The following OPCML variants were observed in gnomAD, a reference collection of about 807,000 sequenced individuals.
OPCML encodes opioid-binding protein/cell adhesion molecule.
Under a neutral mutation model 37.8 loss-of-function variants are expected in OPCML, and 13 were observed. That is an observed-to-expected ratio of 0.34 (90% confidence interval 0.22 to 0.55). OPCML has a LOEUF of 0.55. Among genes scored for constraint, OPCML ranks in the 20% least tolerant of loss-of-function variants. The pLI, the probability that OPCML is intolerant of heterozygous loss-of-function variation, is 0.91. For synonymous variants in OPCML, 176 were observed against 168.8 expected (o/e 1.04, Z -0.33); for missense variants, 341 against 435.6 (o/e 0.78, Z 1.93).
At chr11:132,901,797 C>T (rs1000961700) in intron 2 of OPCML, among the ~76,000 whole-genome samples, 1 of 152,190 alleles carries the variant, frequency 6.6e-6, no homozygotes, top group African/African-American at 2.4e-5. Context: ...TGACAGTTTT[C>T]AGGCATGCCA....
At chr11:132,542,602 C>T (rs2096359468) in intron 3 of OPCML, among the ~76,000 whole-genome samples, 1 of 152,128 alleles carries the variant, frequency 6.6e-6, no homozygotes, top group Non-Finnish European at 1.5e-5. Flanking sequence ...TTGACAGACT[C>T]CTGCCCTGCT....
intron 7 of OPCML, among the ~76,000 whole-genome samples, chr11:132,422,022 T>A (rs927411672): frequency 2.0e-5 from 3 of 152,158 alleles, no homozygotes; most frequent in Non-Finnish European, 2.9e-5. Context: ...AAGGCCCATA[T>A]GTTTCTTTAA....
rs1394639213 is a variant in OPCML, at chr11:133,095,479, TGAAG to T, written c.62-152473_62-152470del. ...GCAAAATACCAATAATTAGCAGGCA[TGAAG>T]GAAGTAAATAAATGAGAAAATGAAA... On this transcript the variant is annotated intron_variant, in intron 1 of 7. Transcript: ENST00000524381. 2.0e-5 allele frequency among the ~76,000 whole-genome samples: 3 copies of T among 149,586 alleles called. No individual in the cohort carries two copies. The East Asian group carries it at 5.9e-4, about 29-fold the overall frequency.
chr11:132,424,025 A>G (rs1338246525), intron 7 of OPCML, among the ~76,000 whole-genome samples: 5 of 152,184 alleles, frequency 3.3e-5, no homozygotes, highest in African/African-American at 9.7e-5. Context: ...TTGAATTTCA[A>G]TATATAGGGT....
intron 4 of OPCML, among the ~76,000 whole-genome samples, chr11:132,516,753 C>G (rs932237889): frequency 5.3e-5 from 8 of 152,140 alleles, no homozygotes; most frequent in Non-Finnish European, 1.0e-4. Flanking sequence ...TCCTCAACAC[C>G]TTTCTCATGG....
At chr11:133,300,883 G>T (rs557887060) in intron 1 of OPCML, 8 of 152,166 alleles carry the variant, frequency 5.3e-5, no homozygotes, top group Admixed American at 5.2e-4. Context: ...GTGGGCAGCC[G>T]CCAGAAGCTG....
At chr11:132,959,730 T>A (rs1946052735) in intron 1 of OPCML, among the ~76,000 whole-genome samples, 1 of 152,176 alleles carries the variant, frequency 6.6e-6, no homozygotes, top group Admixed American at 6.5e-5. Context: ...AGGCTCAGAT[T>A]TAGAAGTGGC....
intron 1 of OPCML, among the ~76,000 whole-genome samples, chr11:133,242,226 T>C: frequency 6.6e-6 from 1 of 152,124 alleles, no homozygotes; most frequent in Non-Finnish European, 1.5e-5. Flanking sequence ...TAGAGAATGA[T>C]ACGATTACCA....
At chr11:132,904,039 A>G (rs77188017) in intron 2 of OPCML, among the ~76,000 whole-genome samples, 10,529 of 152,276 alleles carry the variant, frequency 0.069, 458 homozygotes, top group Middle Eastern at 0.14. Flanking sequence ...GACTGGATCA[A>G]TGATGCCTGG....
chr11:132,644,320 A>T (rs1201249522), intron 3 of OPCML, among the ~76,000 whole-genome samples: 1 of 152,138 alleles, frequency 6.6e-6, no homozygotes, highest in Non-Finnish European at 1.5e-5. Context: ...TCATCTGTCA[A>T]TCAGAGGGAA....
chr11:133,490,693 G>C, intron 1 of OPCML, among the ~76,000 whole-genome samples: 1 of 152,158 alleles, frequency 6.6e-6, no homozygotes, highest in East Asian at 1.9e-4. Flanking sequence ...AAGCTCCCAT[G>C]GCAGTCTCTC....
intron 1 of OPCML, among the ~76,000 whole-genome samples, chr11:133,228,423 T>C (rs771710942): frequency 1.3e-5 from 2 of 152,238 alleles, no homozygotes; most frequent in Non-Finnish European, 2.9e-5. Context: ...AGTTTTCTGC[T>C]TCTAATTCCA....
chr11:132,605,519 G>A (rs896525942), intron 3 of OPCML, among the ~76,000 whole-genome samples: 7 of 151,950 alleles, frequency 4.6e-5, no homozygotes, highest in Admixed American at 1.3e-4. Flanking sequence ...AGCCAAGATC[G>A]CACCACTGTA....
At chr11:132,750,472 G>A (rs1426573220) in intron 2 of OPCML, among the ~76,000 whole-genome samples, 5 of 152,124 alleles carry the variant, frequency 3.3e-5, no homozygotes, top group African/African-American at 9.7e-5. Context: ...ATAAAGGAAG[G>A]AAACATACTT....
intron 2 of OPCML, among the ~76,000 whole-genome samples, chr11:132,895,728 C>T (rs752426696): frequency 3.9e-5 from 6 of 152,138 alleles, no homozygotes; most frequent in Non-Finnish European, 7.3e-5. Flanking sequence ...GTTAACCCTG[C>T]ATTGTCTAAG....
chr11:132,888,828 C>T (rs1943526044), intron 2 of OPCML, among the ~76,000 whole-genome samples: 1 of 148,926 alleles, frequency 6.7e-6, no homozygotes, highest in Non-Finnish European at 1.5e-5. Context: ...CTCTTTCAGT[C>T]ACTTGATAAA....
intron 2 of OPCML, among the ~76,000 whole-genome samples, chr11:132,861,343 A>G (rs552883084): frequency 1.1e-3 from 169 of 152,356 alleles, no homozygotes; most frequent in Middle Eastern, 0.01. Context: ...TCTGAATTTC[A>G]GTTTCCTCGA....
intron 1 of OPCML, among the ~76,000 whole-genome samples, chr11:133,252,717 G>C (rs1941175291): frequency 1.3e-5 from 2 of 152,142 alleles, no homozygotes; most frequent in Admixed American, 1.3e-4. Flanking sequence ...AGCCACTCGG[G>C]CTTTTTTTTC....
At chr11:133,203,289 G>A (rs888202083) in intron 1 of OPCML, among the ~76,000 whole-genome samples, 13 of 152,206 alleles carry the variant, frequency 8.5e-5, no homozygotes, top group Admixed American at 3.9e-4. Flanking sequence ...AGCCCCTCAA[G>A]GGACAAATGC....
Sources: allele counts gnomAD v4.1 joint callset (sites outside exome capture counted in the v4.1 genomes callset), GRCh38; gene constraint gnomAD v4.1.1; transcripts MANE v1.5; gene names NCBI Gene and HGNC (gene_info 2026-07-23, HGNC 2026-07-21).